Variants in CSMD1 observed in about 807,000 individuals in gnomAD.
The protein encoded by CSMD1 is CUB and Sushi multiple domains 1.
Under a neutral mutation model 417.5 loss-of-function variants are expected in CSMD1, and 213 were observed. The observed-to-expected ratio is 0.51, with a 90% CI of 0.46 to 0.57. The LOEUF is 0.57. Ranked by LOEUF, CSMD1 falls within the 20% of genes least tolerant of loss-of-function variation. The pLI is 0.00. For synonymous variants in CSMD1, 2,862 were observed against 1,736.8 expected, an observed-to-expected ratio of 1.65 and a Z score of -16.11; for missense variants, 6,923 against 4,529.7, an observed-to-expected ratio of 1.53 and a Z score of -15.17.
chr8:3,870,179 C>G (rs1204997955), intron 5 of CSMD1, among the ~76,000 whole-genome samples: 3 of 152,102 alleles, frequency 2.0e-5, no homozygotes, highest in African/African-American at 4.8e-5. Flanking sequence ...TAAAGAGGTT[C>G]TTCCAGAAAG....
At chr8:4,464,308 C>T (rs1275830202) in intron 2 of CSMD1, among the ~76,000 whole-genome samples, 1 of 152,152 alleles carries the variant, frequency 6.6e-6, no homozygotes, top group Non-Finnish European at 1.5e-5. Context: ...AATGGACAGA[C>T]GCTCTTCAAC....
intron 2 of CSMD1, among the ~76,000 whole-genome samples, chr8:4,557,426 G>T (rs548485818): frequency 1.3e-5 from 2 of 149,030 alleles, no homozygotes; most frequent in Non-Finnish European, 3.0e-5. Context: ...GAAAATCTGC[G>T]AGGTTTTTTT....
At chr8:4,617,509 A>G (rs561117169) in intron 2 of CSMD1, among the ~76,000 whole-genome samples, 68 of 152,304 alleles carry the variant, frequency 4.5e-4, no homozygotes, top group African/African-American at 1.5e-3. Flanking sequence ...TGTCAACTAG[A>G]CAATGCTATG....
At chr8:3,174,679 T>A (rs576156524) in intron 37 of CSMD1, among the ~76,000 whole-genome samples, 1 of 152,234 alleles carries the variant, frequency 6.6e-6, no homozygotes, top group Non-Finnish European at 1.5e-5. Context: ...TTTCCTTTTA[T>A]GATTTTATTG....
chr8:3,354,929 A>ATCGATC (rs1554523470), intron 21 of CSMD1, among the ~76,000 whole-genome samples: 5 of 149,748 alleles, frequency 3.3e-5, no homozygotes, highest in African/African-American at 1.2e-4. Flanking sequence ...CTATCTATAG[A>ATCGATC]TATAGATATA....
intron 23 of CSMD1, among the ~76,000 whole-genome samples, chr8:3,332,075 T>C (rs570034720): frequency 6.6e-6 from 1 of 152,338 alleles, no homozygotes; most frequent in South Asian, 2.1e-4. Flanking sequence ...AGATGATCAA[T>C]TAATTGACAG....
chr8:3,392,920 G>A (rs1011424274), intron 17 of CSMD1, among the ~76,000 whole-genome samples: 4 of 151,990 alleles, frequency 2.6e-5, no homozygotes, highest in Admixed American at 6.6e-5. Flanking sequence ...TTTAAACCCC[G>A]CAGGTAACCC....
chr8:4,636,424 C>A (rs1179703639), intron 2 of CSMD1, among the ~76,000 whole-genome samples: 2 of 152,260 alleles, frequency 1.3e-5, no homozygotes, highest in South Asian at 2.1e-4. Context: ...ATTGTCTAAA[C>A]CACAAATTCT....
intron 2 of CSMD1, among the ~76,000 whole-genome samples, chr8:4,494,326 G>A (rs1403564065): frequency 6.6e-6 from 1 of 152,110 alleles, no homozygotes. Flanking sequence ...TATTTTCATG[G>A]CCATGGTAAA....
intron 1 of CSMD1, among the ~76,000 whole-genome samples, chr8:4,786,106 A>AAT (rs1408835503): frequency 6.6e-6 from 1 of 152,108 alleles, no homozygotes; most frequent in Admixed American, 6.5e-5. Flanking sequence ...GTAAGACCAA[A>AAT]AAAAATAAAT....
At chr8:4,096,081 T>C (rs754378615) in intron 3 of CSMD1, among the ~76,000 whole-genome samples, 1 of 152,192 alleles carries the variant, frequency 6.6e-6, no homozygotes, top group Non-Finnish European at 1.5e-5. Context: ...TTTTATGTTA[T>C]ATGTTATCAC....
Position 3,400,310 on chromosome 8 carries a change from A to G in CSMD1, c.2267-781T>C, listed in dbSNP as rs1811960201. On this transcript the variant is annotated intron_variant, in intron 15 of 69. Coordinates refer to ENST00000635120, the MANE Select transcript of CSMD1 (RefSeq NM_033225.6). ...CTCTCAAAATTATTTGCCATTAGCA[A>G]TCATCTTTGTGGATTTATAGATATC... Among the ~76,000 whole-genome samples, 3 of 152,322 alleles carry G rather than the reference A, an allele frequency of 2.0e-5. No individual in the cohort carries two copies. In the South Asian group the frequency reaches 6.2e-4, roughly 32 times the overall value.
intron 3 of CSMD1, among the ~76,000 whole-genome samples, chr8:4,324,972 T>C (rs1799474414): frequency 6.6e-6 from 1 of 152,122 alleles, no homozygotes. Flanking sequence ...TATCATTATA[T>C]CACTGTTGAC....
chr8:4,711,440 T>A (rs1349311960), intron 1 of CSMD1, among the ~76,000 whole-genome samples: 1 of 152,202 alleles, frequency 6.6e-6, no homozygotes, highest in Non-Finnish European at 1.5e-5. Flanking sequence ...TAGCTGCATT[T>A]TCAAACAAAG....
intron 1 of CSMD1, among the ~76,000 whole-genome samples, chr8:4,902,165 T>G (rs1188291813): frequency 6.6e-6 from 1 of 152,104 alleles, no homozygotes; most frequent in Non-Finnish European, 1.5e-5. Flanking sequence ...AACCCAGCTT[T>G]TTGGGAGAAC....
chr8:4,281,376 C>G lies in CSMD1; in HGVS notation c.415+138577G>C, dbSNP rs549103913. On this transcript the variant is annotated intron_variant, in intron 3 of 69. Transcript: ENST00000635120. Reference sequence around the variant, plus strand: ...TGACGGCATAAGGTCTTTGCATAAACCAGTGGTTTTTCACCAAAAAACAGC... The same window carrying G: ...TGACGGCATAAGGTCTTTGCATAAAGCAGTGGTTTTTCACCAAAAAACAGC... 2.1e-4 allele frequency among the ~76,000 whole-genome samples: 32 copies of G among 152,230 alleles called. 1 individual carries two copies. The highest frequency in any genetic ancestry group is 2.2e-4 in the Non-Finnish European group (15 of 68,018).
chr8:3,412,589 G>C (rs1563363125), intron 12 of CSMD1, among the ~76,000 whole-genome samples: 1 of 152,166 alleles, frequency 6.6e-6, no homozygotes, highest in Non-Finnish European at 1.5e-5. Context: ...AAGCAGAAGA[G>C]CACACACACA....
At chr8:3,730,401 C>G (rs189636587) in intron 6 of CSMD1, among the ~76,000 whole-genome samples, 113 of 125,744 alleles carry the variant, frequency 9.0e-4, no homozygotes, top group Middle Eastern at 5.7e-3. Flanking sequence ...TGTGTCTGAT[C>G]ACCACTGAGC....
intron 5 of CSMD1, among the ~76,000 whole-genome samples, chr8:3,991,593 T>C (rs1814756602): frequency 6.6e-6 from 1 of 152,182 alleles, no homozygotes; most frequent in Non-Finnish European, 1.5e-5. Flanking sequence ...TAGTGATGAC[T>C]CCACCACACA....
Sources: gnomAD v4.1 joint callset for allele counts (sites outside exome capture counted in the v4.1 genomes callset) on GRCh38, gnomAD v4.1.1 for gene constraint, MANE v1.5 for transcripts, NCBI Gene and HGNC (gene_info 2026-07-23, HGNC 2026-07-21) for gene names.